The following DYM variants were observed in gnomAD, a reference collection of about 807,000 sequenced individuals.
DYM encodes dyggve-Melchior-Clausen syndrome protein.
A neutral mutation model predicts 93.1 loss-of-function variants in DYM; 78 were observed. The observed-to-expected ratio is 0.84, with a 90% confidence interval of 0.70 to 1.01. The LOEUF (loss-of-function observed/expected upper bound fraction) is 1.01. DYM is among the 50% of genes least tolerant of loss of function. DYM has a pLI of 0.00. For synonymous variants in DYM, 321 were observed against 319.7 expected, an observed-to-expected ratio of 1.00 and a Z score of -0.04; for missense variants, 789 against 845.0, an observed-to-expected ratio of 0.93 and a Z score of 0.82.
At chr18:49,451,502 C>A (rs1170607854) in intron 1 of DYM, among the ~76,000 whole-genome samples, 2 of 152,208 alleles carry the variant, frequency 1.3e-5, no homozygotes, top group East Asian at 3.8e-4. Context: ...GGTCCAGGAG[C>A]TCCAAGTTTA....
intron 13 of DYM, among the ~76,000 whole-genome samples, chr18:49,251,082 A>C (rs1458243967): frequency 1.3e-5 from 2 of 152,242 alleles, no homozygotes; most frequent in Admixed American, 1.3e-4. Flanking sequence ...CAATAACAAT[A>C]AAATCTCCAC....
intron 17 of DYM, among the ~76,000 whole-genome samples, chr18:49,096,209 T>C (rs1459793617): frequency 6.6e-6 from 1 of 152,206 alleles, no homozygotes; most frequent in Admixed American, 6.5e-5. Context: ...TATTACCACA[T>C]GGTGGTGCCA....
intron 5 of DYM, among the ~76,000 whole-genome samples, chr18:49,364,444 C>CAA (rs1298142988): frequency 7.9e-5 from 11 of 138,526 alleles, no homozygotes; most frequent in Non-Finnish European, 1.3e-4. Context: ...GACTGTGTCT[C>CAA]AAAAAAAAAA....
chr18:49,373,987 G>C (rs1480471311), intron 5 of DYM, among the ~76,000 whole-genome samples: 2 of 152,034 alleles, frequency 1.3e-5, no homozygotes, highest in Non-Finnish European at 2.9e-5. Flanking sequence ...TCTAACTTCA[G>C]ACATCAGTAT....
At chr18:49,441,269 ATATATAT>A (rs1164912660) in intron 1 of DYM, among the ~76,000 whole-genome samples, 3,001 of 36,688 alleles carry the variant, frequency 0.082, 250 homozygotes, top group Middle Eastern at 0.11. Flanking sequence ...TAATTATATA[ATATATAT>A]TATATAATTA....
intron 15 of DYM, among the ~76,000 whole-genome samples, chr18:49,145,094 G>A (rs1427349780): frequency 2.3e-4 from 7 of 30,050 alleles, no homozygotes; most frequent in East Asian, 1.1e-3. Context: ...GCAAGATCCC[G>A]TCTCAAAAAA....
intron 17 of DYM, among the ~76,000 whole-genome samples, chr18:49,063,755 T>C (rs1028357175): frequency 1.3e-5 from 2 of 151,690 alleles, no homozygotes; most frequent in East Asian, 1.9e-4. Context: ...GCCTCCCAAG[T>C]AGCTGGGATT....
intron 2 of DYM, among the ~76,000 whole-genome samples, chr18:49,427,533 G>C (rs1425857544): frequency 6.6e-6 from 1 of 151,704 alleles, no homozygotes; most frequent in African/African-American, 2.4e-5. Flanking sequence ...TATGAACTGG[G>C]TAGCAGAAAT....
chr18:49,340,652 A>C (rs772526546), intron 6 of DYM, among the ~76,000 whole-genome samples: 11 of 152,226 alleles, frequency 7.2e-5, no homozygotes, highest in African/African-American at 1.2e-4. Context: ...TTGTGGGATG[A>C]AAGGACACAT....
chr18:49,112,802 C>T (rs1469308763), intron 16 of DYM, among the ~76,000 whole-genome samples: 1 of 152,152 alleles, frequency 6.6e-6, no homozygotes, highest in African/African-American at 2.4e-5. Context: ...TTCACTCCAC[C>T]TTCCCAGCCA....
At chr18:49,344,244 C>CA (rs957223501) in intron 6 of DYM, among the ~76,000 whole-genome samples, 56 of 152,088 alleles carry the variant, frequency 3.7e-4, no homozygotes, top group Non-Finnish European at 1.2e-4. Context: ...AACATGTGGG[C>CA]AAAATGCAAC....
intron 17 of DYM, among the ~76,000 whole-genome samples, chr18:49,091,104 A>G (rs1201613625): frequency 6.6e-6 from 1 of 152,186 alleles, no homozygotes; most frequent in East Asian, 1.9e-4. Flanking sequence ...TTGAAGCAGC[A>G]CTTTATGGTC....
intron 17 of DYM, among the ~76,000 whole-genome samples, chr18:49,050,245 C>T (rs953328679): frequency 3.3e-5 from 5 of 151,914 alleles, no homozygotes; most frequent in African/African-American, 1.2e-4. Flanking sequence ...TGCCACCATG[C>T]CCGGCTAGTT....
chr18:49,100,070 A>G (rs917465430), intron 16 of DYM, among the ~76,000 whole-genome samples: 2 of 152,198 alleles, frequency 1.3e-5, no homozygotes, highest in Non-Finnish European at 2.9e-5. Context: ...AAGCCCTACA[A>G]GTTGAGGAAC....
chr18:49,368,592 T>C (rs1230920109), intron 5 of DYM: 1 of 152,146 alleles, frequency 6.6e-6, no homozygotes, highest in East Asian at 1.9e-4. Context: ...CTATACAATT[T>C]TGGGTTTACC....
intron 1 of DYM, among the ~76,000 whole-genome samples, chr18:49,447,076 A>T (rs1332635156): frequency 6.6e-6 from 1 of 151,620 alleles, no homozygotes; most frequent in Non-Finnish European, 1.5e-5. Flanking sequence ...AAAAAAAAAA[A>T]TGTTAAGACC....
intron 15 of DYM, among the ~76,000 whole-genome samples, chr18:49,138,856 A>T (rs1301757473): frequency 2.0e-5 from 3 of 152,208 alleles, no homozygotes; most frequent in Non-Finnish European, 4.4e-5. Flanking sequence ...TTAAGTCTTC[A>T]TGTTATAATA....
At chr18:49,148,942 T>C (rs28421661) in intron 15 of DYM, among the ~76,000 whole-genome samples, 3,834 of 152,278 alleles carry the variant, frequency 0.025, 154 homozygotes, top group African/African-American at 0.086. Context: ...ACTTTATTTC[T>C]ATTATTATTA....
chr18:49,198,152 T>C (rs1600552082), intron 14 of DYM, among the ~76,000 whole-genome samples: 1 of 152,172 alleles, frequency 6.6e-6, no homozygotes, highest in Non-Finnish European at 1.5e-5. Flanking sequence ...ATTTAATAAA[T>C]GGTGCTGGGA....
Sources: allele counts gnomAD v4.1 joint callset (sites outside exome capture counted in the v4.1 genomes callset), GRCh38; gene constraint gnomAD v4.1.1; transcripts MANE v1.5; gene names NCBI Gene and HGNC (gene_info 2026-07-23, HGNC 2026-07-21).